MYO18B: variants seen among roughly 807,000 people sequenced by gnomAD.
MYO18B encodes the protein unconventional myosin-XVIIIb.
In MYO18B, 204 loss-of-function variants were observed where a neutral mutation model predicts 273.0. That is an observed-to-expected ratio of 0.75 (90% CI 0.67 to 0.84). MYO18B has a LOEUF of 0.84. MYO18B is among the 40% of genes least tolerant of loss of function. The probability of loss-of-function intolerance (pLI) is 0.00; values close to 1 mark genes in which losing one functional copy is unlikely to be tolerated. For synonymous variants in MYO18B, 1,330 were observed against 1,305.7 expected (o/e 1.02, Z -0.40); for missense variants, 3,212 against 3,287.6 (o/e 0.98, Z 0.56).
intron 33 of MYO18B, among the ~76,000 whole-genome samples, chr22:25,911,997 G>T (rs1334637878): frequency 6.6e-6 from 1 of 152,130 alleles, no homozygotes; most frequent in Non-Finnish European, 1.5e-5. Flanking sequence ...GCTTAACATG[G>T]GTTCGATGTC....
At chr22:25,974,670 G>A (rs1367315450) in intron 39 of MYO18B, among the ~76,000 whole-genome samples, 2 of 152,196 alleles carry the variant, frequency 1.3e-5, no homozygotes, top group Admixed American at 1.3e-4. Context: ...ACGAAAACAG[G>A]CAGGAGGCCA....
intron 34 of MYO18B, among the ~76,000 whole-genome samples, chr22:25,934,950 C>T (rs886351185): frequency 5.3e-5 from 8 of 152,152 alleles, no homozygotes; most frequent in South Asian, 2.1e-4. Context: ...ATTTGAATTA[C>T]GCTGGTGGTT....
chr22:25,865,845 A>G (rs1555916607), intron 21 of MYO18B, among the ~76,000 whole-genome samples: 1 of 152,120 alleles, frequency 6.6e-6, no homozygotes, highest in Non-Finnish European at 1.5e-5. Context: ...ATCTTCAGTC[A>G]ATTTTTTATT....
chr22:25,822,345 C>T (rs944403963), intron 12 of MYO18B, among the ~76,000 whole-genome samples: 2 of 152,176 alleles, frequency 1.3e-5, no homozygotes, highest in African/African-American at 4.8e-5. Flanking sequence ...CCAAACAACT[C>T]CTTTGGTCTC....
intron 39 of MYO18B, among the ~76,000 whole-genome samples, chr22:25,989,436 T>G (rs1177558916): frequency 1.3e-5 from 2 of 151,942 alleles, no homozygotes; most frequent in Non-Finnish European, 2.9e-5. Flanking sequence ...AGGTGCCACA[T>G]CTGGGAGAAA....
chr22:25,960,540 A>G (rs1259440431), intron 39 of MYO18B, among the ~76,000 whole-genome samples: 1 of 152,144 alleles, frequency 6.6e-6, no homozygotes. Context: ...CCAGGTCTTG[A>G]AAAACTTGCA....
chr22:25,814,931 G>T (rs549773771), intron 12 of MYO18B, among the ~76,000 whole-genome samples: 6 of 152,334 alleles, frequency 3.9e-5, no homozygotes, highest in African/African-American at 1.4e-4. Context: ...ATGGACATAG[G>T]GAGGGGAAGA....
chr22:25,947,075 CT>C (rs2092720589), intron 35 of MYO18B, among the ~76,000 whole-genome samples: 1 of 152,020 alleles, frequency 6.6e-6, no homozygotes, highest in Admixed American at 6.5e-5. Context: ...CTCTGTGGGC[CT>C]TTTTGTCCCT....
At chr22:25,871,723 G>A (rs2091050091) in intron 22 of MYO18B, among the ~76,000 whole-genome samples, 1 of 152,148 alleles carries the variant, frequency 6.6e-6, no homozygotes, top group African/African-American at 2.4e-5. Context: ...CATGGCATTT[G>A]TGGGAAAGGT....
intron 7 of MYO18B, among the ~76,000 whole-genome samples, chr22:25,774,820 CCTGGGGACATGGAGGT>C (rs1400114148): frequency 1.1e-4 from 17 of 152,308 alleles, no homozygotes; most frequent in African/African-American, 4.1e-4. Flanking sequence ...TGGGTGTGTG[CCTGGGGACATGGAGGT>C]CTAGGTGAAT....
At chr22:25,956,041 TG>T (rs2092847494) in intron 39 of MYO18B, among the ~76,000 whole-genome samples, 1 of 152,048 alleles carries the variant, frequency 6.6e-6, no homozygotes, top group African/African-American at 2.4e-5. Context: ...CTTAAAAAGG[TG>T]GGGAAACTGA....
intron 34 of MYO18B, among the ~76,000 whole-genome samples, chr22:25,942,750 A>T (rs1313996205): frequency 6.6e-6 from 1 of 152,220 alleles, no homozygotes; most frequent in Non-Finnish European, 1.5e-5. Context: ...CCCAAGCAAC[A>T]GTAGCAGGTG....
In MYO18B at chr22:25,780,038, C is replaced by A; in HGVS notation, c.2069-18C>A. 1 of 1,567,876 alleles carries A rather than the reference C, an allele frequency of 6.4e-7. No homozygotes were observed. Among genetic ancestry groups the A allele is most frequent in the Non-Finnish European group, 8.6e-7 (1 of 1,158,558 alleles). ...CCTGGGCCATCAGTGACATGTGGCC[C>A]CATGCTGCCCCCAACAGTGGAGAAG... On this transcript the variant is annotated intron_variant, in intron 8 of 43. Transcript: ENST00000335473.
At chr22:25,890,669 G>A in intron 25 of MYO18B, 87 bp from the exon 26 acceptor site, 1 of 1,543,036 alleles carries the variant, frequency 6.5e-7, no homozygotes, top group South Asian at 1.2e-5. Flanking sequence ...ATAGTGATTT[G>A]TCCAAAGGCG....
chr22:25,971,100 C>T (rs1288718232), intron 39 of MYO18B, among the ~76,000 whole-genome samples: 1 of 152,228 alleles, frequency 6.6e-6, no homozygotes, highest in Non-Finnish European at 1.5e-5. Context: ...GTCACAACTA[C>T]TCAACTCTGC....
Position 25,898,447 on chromosome 22 carries a change from G to A in MYO18B, c.4809G>A (p.Glu1603=), listed in dbSNP as rs1477253153. The A allele has an allele frequency of 6.2e-7, 1 of 1,613,648 alleles. No individual in the cohort carries two copies. Among genetic ancestry groups the A allele is most frequent in the Non-Finnish European group, 8.5e-7 (1 of 1,179,746 alleles). Residue 1603 remains glutamate, a synonymous_variant, in exon 29 of 44, where the codon GAG becomes GAA. Coordinates refer to ENST00000335473, the MANE Select transcript of MYO18B (RefSeq NM_032608.7). ...AACAAAGTCGAAACCATGAGCTGGA[G>A]AAGAAGCAGAAGAAGTGAGTTGCAT... The part of the protein sequence containing the change: ...ENQQSRNHEL[E]KKQKKFDLQL...
intron 25 of MYO18B, among the ~76,000 whole-genome samples, chr22:25,885,902 C>A (rs186650959): frequency 6.6e-6 from 1 of 152,332 alleles, no homozygotes; most frequent in East Asian, 1.9e-4. Flanking sequence ...TAACCTTTCT[C>A]CTGGCATTCT....
rs772478099 is a variant in MYO18B at position 25,798,083 on chromosome 22, C to G, written c.2507C>G (p.Ala836Gly). 6.2e-7 allele frequency: 1 copy of G among 1,607,776 alleles called. No individual in the cohort carries two copies. Among genetic ancestry groups the G allele is most frequent in the Non-Finnish European group, 8.5e-7 (1 of 1,175,194 alleles). The stretch of plus-strand genomic sequence containing the variant: ...GCAGCCATCTACCACCTGGGTGCGG[C>G]GGGGGCCTGCAAAGGTACGTCCTTC... ...VLAAIYHLGA[A>G]GACKVGRKQF... is the part of the protein sequence containing the mutation. The change falls in exon 12 of 44, where the codon GCG (alanine) becomes GGG (glycine). Residue 836 changes from alanine to glycine, a missense_variant. Ala to Gly is a moderately conservative substitution (Grantham distance 60, BLOSUM62 0). Coordinates refer to ENST00000335473, the MANE Select transcript of MYO18B (RefSeq NM_032608.7).
rs2089768083 is a variant in MYO18B, at chr22:25,832,998, G to T, written c.3060+1G>T. On this transcript the variant is annotated splice_donor_variant, in intron 16 of 43. Coordinates refer to ENST00000335473, the MANE Select transcript of MYO18B (RefSeq NM_032608.7). LOFTEE classifies it high-confidence loss of function. ...TGTTGTGGATCAAAATCCCTCTCAG[G>T]TAACACAGGGCCCAGCCAATCCAGG... 6.2e-7 allele frequency: 1 copy of T among 1,613,642 alleles called. No individual in the cohort carries two copies. The highest frequency in any genetic ancestry group is 8.5e-7 in the Non-Finnish European group (1 of 1,179,764).
Sources: gnomAD v4.1 joint callset for allele counts (sites outside exome capture counted in the v4.1 genomes callset) on GRCh38, gnomAD v4.1.1 for gene constraint, MANE v1.5 for transcripts, NCBI Gene and HGNC (gene_info 2026-07-23, HGNC 2026-07-21) for gene names.